TTC7A: variants seen among roughly 807,000 people sequenced by gnomAD.
TTC7A encodes the protein tetratricopeptide repeat domain 7A.
TTC7A carries 110 observed loss-of-function variants against 103.7 expected under a neutral mutation model. The observed-to-expected ratio is 1.06, with a 90% CI of 0.91 to 1.24. The LOEUF (loss-of-function observed/expected upper bound fraction) is 1.24, where lower values mean the gene tolerates loss of function less well. TTC7A is among the 50% of genes most tolerant of loss of function. The pLI is 0.00. For missense variants in TTC7A, 1,340 were observed against 1,116.3 expected (o/e 1.20, Z -2.86); for synonymous variants, 521 against 467.9 (o/e 1.11, Z -1.47).
At chr2:46,968,831 A>G (rs1302344494) in intron 3 of TTC7A, among the ~76,000 whole-genome samples, 1 of 152,214 alleles carries the variant, frequency 6.6e-6, no homozygotes, top group African/African-American at 2.4e-5. Flanking sequence ...CCATGTGACC[A>G]GTACCCTAAT....
At chr2:46,986,920 T>C (rs1426963029) in intron 5 of TTC7A, among the ~76,000 whole-genome samples, 5 of 152,208 alleles carry the variant, frequency 3.3e-5, no homozygotes, top group African/African-American at 1.2e-4. Flanking sequence ...TCCCTGTCTC[T>C]GGCTAAGCCT....
intron 2 of TTC7A, among the ~76,000 whole-genome samples, chr2:46,931,272 G>A (rs1485719977): frequency 6.6e-6 from 1 of 152,180 alleles, no homozygotes; most frequent in Non-Finnish European, 1.5e-5. Context: ...TTTAAATATA[G>A]ACAGGGTCTG....
At chr2:47,006,121 G>C in intron 9 of TTC7A, 62 bp downstream of exon 9, 2 of 1,585,006 alleles carry the variant, frequency 1.3e-6, no homozygotes, top group African/African-American at 1.3e-5. Flanking sequence ...AAGGAAATCA[G>C]ACAGAGCCAT....
intron 2 of TTC7A, among the ~76,000 whole-genome samples, chr2:46,923,835 C>T (rs1006203462): frequency 6.6e-6 from 1 of 152,042 alleles, no homozygotes; most frequent in Non-Finnish European, 1.5e-5. Context: ...CAGGTTCAAG[C>T]AAATCTCTTG....
At chr2:46,920,942 G>T (rs1669072177) in intron 2 of TTC7A, among the ~76,000 whole-genome samples, 1 of 150,706 alleles carries the variant, frequency 6.6e-6, no homozygotes. Flanking sequence ...TTTTAAAAAG[G>T]CATCTGACAA....
intron 11 of TTC7A, among the ~76,000 whole-genome samples, chr2:47,013,679 C>T (rs1299108658): frequency 1.3e-5 from 2 of 152,194 alleles, no homozygotes; most frequent in East Asian, 1.9e-4. Context: ...TAATTATGTG[C>T]ATTCAGATTA....
At chr2:46,994,564 G>A (rs375307353) in intron 7 of TTC7A, 50 bp downstream of exon 7, 242 of 1,592,566 alleles carry the variant, frequency 1.5e-4, no homozygotes, top group Non-Finnish European at 2.0e-4. Flanking sequence ...ATCTCACGCA[G>A]GGTTCTGTCC....
upstream of TTC7A, chr2:46,916,153 C>A (rs894503497): frequency 4.1e-6 from 4 of 985,436 alleles, no homozygotes; most frequent in East Asian, 2.3e-4. Flanking sequence ...ACTCCGCTCA[C>A]CCCCTCCTAT....
chr2:47,013,453 G>T (rs1402644467), intron 11 of TTC7A, among the ~76,000 whole-genome samples: 3 of 152,106 alleles, frequency 2.0e-5, no homozygotes, highest in Non-Finnish European at 4.4e-5. Flanking sequence ...CTTGCTCCTA[G>T]GGCTTCTGAG....
intron 19 of TTC7A, among the ~76,000 whole-genome samples, chr2:47,068,862 CAAAAAAAAAAAA>C (rs201835431): frequency 0.39 from 26,979 of 69,840 alleles, 4,125 homozygotes; most frequent in East Asian, 0.7. Flanking sequence ...TCAATTTTTT[CAAAAAAAAAAAA>C]AAAAAAAAAA....
At chr2:46,951,513 A>G (rs1671402345) in intron 2 of TTC7A, 2 of 448,332 alleles carry the variant, frequency 4.5e-6, no homozygotes, top group African/African-American at 2.0e-5. Context: ...AGAGGAAGTG[A>G]TCCCTCCCTC....
intron 15 of TTC7A, among the ~76,000 whole-genome samples, chr2:47,046,089 A>G (rs1234247664): frequency 1.3e-5 from 2 of 152,258 alleles, no homozygotes; most frequent in African/African-American, 2.4e-5. Flanking sequence ...GGCACTGACA[A>G]TGCTTCATGG....
intron 13 of TTC7A, 31 bp downstream of exon 13, chr2:47,023,496 C>CCTCTT (rs1679520694): frequency 6.2e-7 from 1 of 1,612,194 alleles, no homozygotes; most frequent in Non-Finnish European, 8.5e-7. Context: ...AGCAGAGGCC[C>CCTCTT]CTCTTGCCTT....
Position 47,070,869 on chromosome 2 carries a change from G to C in TTC7A, c.2356-2833G>C, listed in dbSNP as rs370072012. Among the ~76,000 whole-genome samples the C allele has an allele frequency of 3.3e-5, 5 of 152,206 alleles. No individual in the cohort carries two copies. The East Asian group carries it at 9.6e-4, about 29-fold the overall frequency. ...ACTTGGACATCACTTTCGAATCCCT[G>C]TGGGCTGGCAGCACAGCCATGGCAT... On this transcript the variant is annotated intron_variant, in intron 19 of 19. Transcript: ENST00000319190.
chr2:46,984,551 G>A lies in TTC7A; in HGVS notation c.764+5644G>A, dbSNP rs561779563. ...ACTTCCTCTCCATTGAGAGCCCCCC[G>A]ACAGCCACCTCTAGGGGCTGCCTGC... is the stretch of plus-strand genomic sequence containing the variant. On this transcript the variant is annotated intron_variant, in intron 5 of 19. Transcript: ENST00000319190. Among the ~76,000 whole-genome samples the A allele has an allele frequency of 3.9e-5, 6 of 152,290 alleles. 1 individual carries two copies. Among genetic ancestry groups the A allele is most frequent in the African/African-American group, 1.4e-4 (6 of 41,568 alleles).
At chr2:47,066,515 C>CTCT (rs1322304774) in intron 19 of TTC7A, among the ~76,000 whole-genome samples, 1 of 152,120 alleles carries the variant, frequency 6.6e-6, no homozygotes, top group Non-Finnish European at 1.5e-5. Flanking sequence ...TCTGGCCACA[C>CTCT]AGAGCTTCAC....
At chr2:46,967,210 C>T (rs1281841798) in intron 3 of TTC7A, among the ~76,000 whole-genome samples, 1 of 151,488 alleles carries the variant, frequency 6.6e-6, no homozygotes, top group Non-Finnish European at 1.5e-5. Flanking sequence ...AAGATTCCGT[C>T]TCAAAAAAAA....
At chr2:46,997,083 A>G (rs559679942) in intron 8 of TTC7A, among the ~76,000 whole-genome samples, 1 of 151,944 alleles carries the variant, frequency 6.6e-6, no homozygotes, top group South Asian at 2.1e-4. Flanking sequence ...GGTTAAAGCG[A>G]TTCTTCTGTC....
At chr2:47,001,495 G>A (rs1425906623) in intron 8 of TTC7A, among the ~76,000 whole-genome samples, 3 of 152,120 alleles carry the variant, frequency 2.0e-5, no homozygotes, top group African/African-American at 4.8e-5. Flanking sequence ...GGTGGTCAGT[G>A]GTTTCATCCC....
Sources: allele counts gnomAD v4.1 joint callset (sites outside exome capture counted in the v4.1 genomes callset), GRCh38; gene constraint gnomAD v4.1.1; transcripts MANE v1.5; gene names NCBI Gene and HGNC (gene_info 2026-07-23, HGNC 2026-07-21).